Variants in RCC2 observed in about 807,000 individuals in gnomAD.
RCC2 encodes protein RCC2.
Under a neutral mutation model 64.1 loss-of-function variants are expected in RCC2, and 19 were observed. The ratio of observed to expected loss-of-function variants is 0.30; its 90% CI spans 0.21 to 0.44. The LOEUF (loss-of-function observed/expected upper bound fraction) is 0.44, where lower values mean the gene tolerates loss of function less well. Ranked by LOEUF, RCC2 falls within the 20% of genes least tolerant of loss-of-function variation. The probability of loss-of-function intolerance (pLI) is 1.00; values close to 1 mark genes in which losing one functional copy is unlikely to be tolerated. For missense variants in RCC2, 508 were observed against 710.4 expected (o/e 0.72, Z 3.24); for synonymous variants, 325 against 279.6 (o/e 1.16, Z -1.62).
intron 2 of RCC2, among the ~76,000 whole-genome samples, chr1:17,435,301 A>C (rs1161829497): frequency 6.6e-6 from 1 of 152,254 alleles, no homozygotes; most frequent in Non-Finnish European, 1.5e-5. Context: ...CATCTTCTAC[A>C]AGCCCGACAC....
At chr1:17,423,085 C>T (rs781764508) in intron 4 of RCC2, among the ~76,000 whole-genome samples, 3 of 152,236 alleles carry the variant, frequency 2.0e-5, no homozygotes, top group Admixed American at 1.3e-4. Context: ...ACACCTCCCA[C>T]GTCTCTGCTA....
chr1:17,427,456 T>C (rs1016482994), intron 3 of RCC2, among the ~76,000 whole-genome samples: 1 of 152,028 alleles, frequency 6.6e-6, no homozygotes, highest in African/African-American at 2.4e-5. Context: ...AGCCTCATGG[T>C]CTATATTAAA....
rs2075563341 is a variant in RCC2, at chr1:17,422,187, G to A, written c.744+16C>T. 1 of 1,573,402 alleles carries A rather than the reference G, an allele frequency of 6.4e-7. No individual in the cohort carries two copies. Among genetic ancestry groups the A allele is most frequent in the Admixed American group, 1.8e-5 (1 of 56,426 alleles). On this transcript the variant is annotated intron_variant, in intron 6 of 12. Coordinates refer to ENST00000375436, the MANE Select transcript of RCC2 (RefSeq NM_018715.4). Reference sequence around the variant, plus strand: ...AGAAACAAAAAGCCATGGAGCCGGAGCTGAGGAGGGGTCACCTGCGCGGGG... The same window carrying A: ...AGAAACAAAAAGCCATGGAGCCGGAACTGAGGAGGGGTCACCTGCGCGGGG...
chr1:17,413,296 T>C (rs2075446365), intron 9 of RCC2, 118 bp from the exon 10 acceptor site: 2 of 891,010 alleles, frequency 2.2e-6, no homozygotes, highest in Non-Finnish European at 3.6e-6. Flanking sequence ...GTCTAAAAGA[T>C]AACTGGAGCC....
intron 3 of RCC2, among the ~76,000 whole-genome samples, chr1:17,427,499 A>G (rs1399745517): frequency 6.6e-6 from 1 of 152,244 alleles, no homozygotes; most frequent in East Asian, 1.9e-4. Context: ...TGGCACCTAA[A>G]TTAAGATTCA....
intron 1 of RCC2, among the ~76,000 whole-genome samples, chr1:17,438,737 G>C (rs879623168): frequency 1.3e-5 from 2 of 152,024 alleles, no homozygotes; most frequent in Non-Finnish European, 2.9e-5. Flanking sequence ...CAGGGCAGCC[G>C]GGAGCCCCAG....
chr1:17,412,276 G>A, intron 10 of RCC2, 82 bp from the exon 11 acceptor site: 2 of 1,293,762 alleles, frequency 1.5e-6, no homozygotes, highest in Non-Finnish European at 1.1e-6. Context: ...GCATGAGTGT[G>A]AGCTGCCACT....
intron 8 of RCC2, among the ~76,000 whole-genome samples, chr1:17,414,420 C>T (rs2075458439): frequency 6.6e-6 from 1 of 151,764 alleles, no homozygotes; most frequent in African/African-American, 2.4e-5. Context: ...ATCCCAGCTA[C>T]TCAGGAGGCT....
chr1:17,438,488 CG>C lies in RCC2; in HGVS notation c.26del (p.Ala9GlyfsTer99). MPRKKAAA[A>X]AWEEPSSGNG... is the part of the protein sequence containing the mutation. ...TGCCCGAGCTCGGCTCCTCCCAGGCCGCCGCCGCCGCCTTCTTCCTGGGCAT... is the reference window on the plus strand; with the variant it reads ...TGCCCGAGCTCGGCTCCTCCCAGGCCCCGCCGCCGCCTTCTTCCTGGGCAT... On this transcript the variant is annotated frameshift_variant, in exon 2 of 13. Transcript: ENST00000375436. LOFTEE classifies it high-confidence loss of function. The C allele has an allele frequency of 7.5e-7, 1 of 1,334,212 alleles. No homozygotes were observed. Among genetic ancestry groups the C allele is most frequent in the Middle Eastern group, 2.9e-4 (1 of 3,418 alleles). The allele number at this position is 1,334,212 out of a possible 1,614,324, so 82.6% of individuals were successfully genotyped here.
chr1:17,412,451 T>C (rs1004239242), intron 10 of RCC2, among the ~76,000 whole-genome samples: 24 of 152,184 alleles, frequency 1.6e-4, no homozygotes, highest in Non-Finnish European at 3.1e-4. Flanking sequence ...CTGTGCATCC[T>C]GCACAGCTCT....
chr1:17,410,163 C>T (rs2075409547), intron 11 of RCC2, 112 bp from the exon 12 acceptor site: 3 of 889,422 alleles, frequency 3.4e-6, no homozygotes, highest in South Asian at 2.9e-5. Flanking sequence ...AGTGATGATG[C>T]CCTCTGGCCC....
chr1:17,417,705 CTTG>C (rs1017473068), intron 7 of RCC2, among the ~76,000 whole-genome samples: 7 of 152,010 alleles, frequency 4.6e-5, no homozygotes, highest in Non-Finnish European at 7.4e-5. Flanking sequence ...AACAAAAAAA[CTTG>C]TTGTTATCAG....
At chr1:17,431,359 A>AAAATATATATATATAT (rs1553158471) in intron 2 of RCC2, among the ~76,000 whole-genome samples, 6 of 44,918 alleles carry the variant, frequency 1.3e-4, no homozygotes, top group East Asian at 6.1e-4. Context: ...AAAAAAAAAA[A>AAAATATATATATATAT]ATATATATAT....
chr1:17,416,454 A>C, intron 8 of RCC2, 26 bp downstream of exon 8: 1 of 1,594,520 alleles, frequency 6.3e-7, no homozygotes, highest in Non-Finnish European at 8.6e-7. Flanking sequence ...TGCGACTCTC[A>C]GGAAGTGAGA....
chr1:17,438,116 G>T (rs1047649578), intron 2 of RCC2, 114 bp downstream of exon 2: 3 of 798,574 alleles, frequency 3.8e-6, no homozygotes, highest in Non-Finnish European at 3.1e-6. Flanking sequence ...CGGCCCGGCC[G>T]CCGGGAGGGA....
At chr1:17,429,600 C>T (rs1426955403) in intron 2 of RCC2, among the ~76,000 whole-genome samples, 1 of 152,178 alleles carries the variant, frequency 6.6e-6, no homozygotes, top group Admixed American at 6.5e-5. Flanking sequence ...TTTCACATGG[C>T]AAGCACGGCC....
At chr1:17,433,169 T>G (rs1356821718) in intron 2 of RCC2, among the ~76,000 whole-genome samples, 1 of 152,252 alleles carries the variant, frequency 6.6e-6, no homozygotes, top group Non-Finnish European at 1.5e-5. Context: ...TTTTACGTCA[T>G]GGATCCTATT....
At chr1:17,417,911 A>G (rs1301559084) in intron 7 of RCC2, among the ~76,000 whole-genome samples, 3 of 152,144 alleles carry the variant, frequency 2.0e-5, no homozygotes, top group Non-Finnish European at 4.4e-5. Flanking sequence ...AAAAAAAAAG[A>G]TAATACAAAC....
At chr1:17,419,238 A>G (rs1457239292) in intron 7 of RCC2, among the ~76,000 whole-genome samples, 1 of 152,206 alleles carries the variant, frequency 6.6e-6, no homozygotes, top group East Asian at 1.9e-4. Context: ...GGGCGCCTGT[A>G]GTCCCAACTA....
Sources: gnomAD v4.1 joint callset for allele counts (sites outside exome capture counted in the v4.1 genomes callset) on GRCh38, gnomAD v4.1.1 for gene constraint, MANE v1.5 for transcripts, NCBI Gene and HGNC (gene_info 2026-07-23, HGNC 2026-07-21) for gene names.